The following ESR2 variants were observed in gnomAD, a reference collection of about 807,000 sequenced individuals.
ESR2 encodes estrogen receptor beta.
In ESR2, 36 loss-of-function variants were observed where a neutral mutation model predicts 49.6. The ratio of observed to expected loss-of-function variants is 0.73; its 90% CI spans 0.56 to 0.96. The LOEUF is 0.96. Among genes scored for constraint, ESR2 ranks in the 40% least tolerant of loss-of-function variants. The pLI, the probability that ESR2 is intolerant of heterozygous loss-of-function variation, is 0.00. For synonymous variants in ESR2, 320 were observed against 266.1 expected (o/e 1.20, Z -1.97); for missense variants, 714 against 693.0 (o/e 1.03, Z -0.34).
chr14:64,325,566 A>G (rs2077378646), intron 1 of ESR2, among the ~76,000 whole-genome samples: 1 of 152,186 alleles, frequency 6.6e-6, no homozygotes, highest in African/African-American at 2.4e-5. Context: ...TTTATTAAGA[A>G]AATTAGTTAA....
intron 4 of ESR2, among the ~76,000 whole-genome samples, chr14:64,261,951 C>T (rs1567755376): frequency 6.6e-6 from 1 of 151,978 alleles, no homozygotes; most frequent in African/African-American, 2.4e-5. Flanking sequence ...TAGGGTCTTA[C>T]TATGTTACCC....
At position 64,283,043 on chromosome 14, in the gene ESR2, A is replaced by C; in HGVS notation, c.-58T>G. ...AAGAAGAGGCACAAAGGTCATTATA[A>C]TGTTCTCAAAGATTCGTGGGCAAGT... On this transcript the variant is annotated 5_prime_UTR_variant, in exon 2 of 9. Coordinates refer to ENST00000341099, the MANE Select transcript of ESR2 (RefSeq NM_001437.3). 6.5e-7 allele frequency: 1 copy of C among 1,532,188 alleles called. No homozygotes were observed. Among genetic ancestry groups the C allele is most frequent in the Non-Finnish European group, 8.8e-7 (1 of 1,139,010 alleles). The allele number at this position is 1,532,188 out of a possible 1,614,324, so 94.9% of individuals were successfully genotyped here. A position where few individuals can be genotyped will look rare whatever the true frequency, so the allele number is the denominator to read the frequency against.
At chr14:64,325,741 G>A (rs918964609) in intron 1 of ESR2, among the ~76,000 whole-genome samples, 10 of 152,092 alleles carry the variant, frequency 6.6e-5, no homozygotes, top group Non-Finnish European at 1.5e-4. Flanking sequence ...TGAAGACGAT[G>A]AGAATGAAGA....
At chr14:64,321,896 C>T (rs1596492711) in intron 1 of ESR2, among the ~76,000 whole-genome samples, 1 of 152,196 alleles carries the variant, frequency 6.6e-6, no homozygotes, top group East Asian at 1.9e-4. Context: ...ACAATAGACA[C>T]TGGGGACTAC....
chr14:64,285,130 T>G lies in ESR2; in HGVS notation c.-90-2055A>C, dbSNP rs754487258. Among the ~76,000 whole-genome samples, 7 of 152,314 alleles carry G rather than the reference T, an allele frequency of 4.6e-5. No homozygotes were observed. The South Asian group carries it at 8.3e-4, about 18-fold the overall frequency. ...TCCCAAAGTGCTGGGATTACAGGCG[T>G]GAGCCACTGTGCCCGGCCAGCTCTC... On this transcript the variant is annotated intron_variant, in intron 1 of 8. Transcript: ENST00000341099.
intron 1 of ESR2, among the ~76,000 whole-genome samples, chr14:64,302,160 T>TTTTA (rs80326062): frequency 0.33 from 45,314 of 137,988 alleles, 7,856 homozygotes; most frequent in African/African-American, 0.42. Flanking sequence ...TATTTTTTAT[T>TTTTA]TTTATTTATT....
chr14:64,254,090 T>C (rs2076048707), intron 6 of ESR2, among the ~76,000 whole-genome samples: 1 of 150,406 alleles, frequency 6.6e-6, no homozygotes, highest in Non-Finnish European at 1.5e-5. Flanking sequence ...ACAAGTTTTC[T>C]TGTTGTGGAC....
intron 1 of ESR2, among the ~76,000 whole-genome samples, chr14:64,290,546 G>T (rs755239287): frequency 6.6e-6 from 1 of 152,060 alleles, no homozygotes; most frequent in Non-Finnish European, 1.5e-5. Context: ...GGGACTACAG[G>T]CTTGAGCCAC....
In ESR2 at chr14:64,273,130, AT is replaced by A. The variant is rs140270135; in HGVS notation, c.536-4220del. ...GCTACTGTAAATGAGATCACTTTAG[AT>A]TTTTTTTTCAGATTGTTTGCTGTTG... is the stretch of plus-strand genomic sequence containing the variant. On this transcript the variant is annotated intron_variant, in intron 3 of 8. Coordinates refer to ENST00000341099, the MANE Select transcript of ESR2 (RefSeq NM_001437.3). Among the ~76,000 whole-genome samples, 3 of 151,078 alleles carry A rather than the reference AT, an allele frequency of 2.0e-5. No homozygotes were observed. In the East Asian group the frequency reaches 5.8e-4, roughly 29 times the overall value.
At chr14:64,254,623 T>C (rs1037074654) in intron 6 of ESR2, among the ~76,000 whole-genome samples, 6 of 151,078 alleles carry the variant, frequency 4.0e-5, no homozygotes, top group African/African-American at 1.2e-4. Flanking sequence ...CCAGCCGTAG[T>C]GGCACATGCC....
At chr14:64,316,176 A>ATT (rs1183017539) in intron 1 of ESR2, among the ~76,000 whole-genome samples, 7 of 140,770 alleles carry the variant, frequency 5.0e-5, no homozygotes, top group Non-Finnish European at 7.8e-5. Context: ...TGCCCAGCTA[A>ATT]TTTTTTTTTT....
chr14:64,266,880 C>T (rs779887857), intron 4 of ESR2, among the ~76,000 whole-genome samples: 9 of 152,100 alleles, frequency 5.9e-5, no homozygotes, highest in Non-Finnish European at 8.8e-5. Context: ...TTCAACTAAA[C>T]TTCCTCCTCC....
At chr14:64,237,705 C>T (rs565292284) in intron 7 of ESR2, among the ~76,000 whole-genome samples, 31 of 152,252 alleles carry the variant, frequency 2.0e-4, no homozygotes, top group African/African-American at 4.3e-4. Flanking sequence ...TATTCAGCTA[C>T]GAAAAGGAAT....
chr14:64,299,399 C>CTTT (rs541707521), upstream of ESR2, among the ~76,000 whole-genome samples: 22 of 125,642 alleles, frequency 1.8e-4, no homozygotes, highest in South Asian at 2.5e-4. Context: ...ACAGAAATAG[C>CTTT]TTTTTTTTTT....
At chr14:64,287,304 C>T (rs2076800065) in intron 1 of ESR2, among the ~76,000 whole-genome samples, 1 of 152,138 alleles carries the variant, frequency 6.6e-6, no homozygotes, top group Non-Finnish European at 1.5e-5. Context: ...CTATCAGACC[C>T]CACCAACAAA....
At chr14:64,285,249 G>A (rs1451270910) in intron 1 of ESR2, among the ~76,000 whole-genome samples, 3 of 152,156 alleles carry the variant, frequency 2.0e-5, no homozygotes, top group Admixed American at 6.5e-5. Flanking sequence ...TCAGATTCAT[G>A]TTCTTAAAAC....
At position 64,233,634 on chromosome 14, in the gene ESR2, T is replaced by C. The variant is rs558861437; in HGVS notation, c.1407-311A>G. 7 of 302,570 alleles carry C rather than the reference T, an allele frequency of 2.3e-5. No individual in the cohort carries two copies. In the East Asian group the frequency reaches 3.0e-4, roughly 13 times the overall value. The allele number at this position is 302,570 out of a possible 1,614,324, so 18.7% of individuals were successfully genotyped here. On this transcript the variant is annotated intron_variant, in intron 8 of 8. Transcript: ENST00000341099. ...ACTGTGAACACTGAATCCTCACTCA[T>C]AGGGGAAATACAGGGTTAGGTTCCT...
chr14:64,277,762 C>T (rs1383113098), intron 3 of ESR2, among the ~76,000 whole-genome samples: 1 of 151,816 alleles, frequency 6.6e-6, no homozygotes, highest in Non-Finnish European at 1.5e-5. Context: ...AGACAGGAAG[C>T]ATGCAAAGAA....
At position 64,264,437 on chromosome 14, in the gene ESR2, A is replaced by G. The variant is rs374926622; in HGVS notation, c.653-3689T>C. Among the ~76,000 whole-genome samples the G allele has an allele frequency of 5.9e-4, 89 of 151,832 alleles. 1 individual carries two copies. The South Asian group carries it at 0.018, about 32-fold the overall frequency. ...TGCTAAGGTCAATTATACACCCAGG[A>G]TAAAATGGAGCAAAATGTATGTTTT... On this transcript the variant is annotated intron_variant, in intron 4 of 8. Transcript: ENST00000341099.
Sources: allele counts gnomAD v4.1 joint callset (sites outside exome capture counted in the v4.1 genomes callset), GRCh38; gene constraint gnomAD v4.1.1; transcripts MANE v1.5; gene names NCBI Gene and HGNC (gene_info 2026-07-23, HGNC 2026-07-21).